Variants in ZFYVE9 observed in about 807,000 individuals in gnomAD.
ZFYVE9 encodes zinc finger FYVE domain-containing protein 9.
A neutral mutation model predicts 126.7 loss-of-function variants in ZFYVE9; 43 were observed. That is an observed-to-expected ratio of 0.34 (90% confidence interval 0.27 to 0.44). The LOEUF (loss-of-function observed/expected upper bound fraction) is 0.44, where lower values mean the gene tolerates loss of function less well. Ranked by LOEUF, ZFYVE9 falls within the 20% of genes least tolerant of loss-of-function variation. The probability of loss-of-function intolerance (pLI) is 1.00; values close to 1 mark genes in which losing one functional copy is unlikely to be tolerated. For missense variants in ZFYVE9, 1,476 were observed against 1,697.0 expected (o/e 0.87, Z 2.29); for synonymous variants, 521 against 597.4 (o/e 0.87, Z 1.87).
chr1:52,156,204 A>G (rs1204057816), intron 1 of ZFYVE9, among the ~76,000 whole-genome samples: 2 of 152,220 alleles, frequency 1.3e-5, no homozygotes. Flanking sequence ...ATAGAAAGGA[A>G]CTTATTTGCC....
At position 52,268,456 on chromosome 1, in the gene ZFYVE9, C is replaced by T. The variant is rs746056998; in HGVS notation, c.2456-7C>T. ...TGATGCCTGTTTTATTTTTCTGGCCCCTCAAGTGGCTCAGCCCAGAGAGCA... is the reference window on the plus strand; with the variant it reads ...TGATGCCTGTTTTATTTTTCTGGCCTCTCAAGTGGCTCAGCCCAGAGAGCA... On this transcript the variant is annotated splice_region_variant and splice_polypyrimidine_tract_variant and intron_variant, in intron 6 of 18. Coordinates refer to ENST00000287727, the MANE Select transcript of ZFYVE9 (RefSeq NM_004799.4). 6.2e-7 allele frequency: 1 copy of T among 1,607,696 alleles called. No individual in the cohort carries two copies. The highest frequency in any genetic ancestry group is 8.5e-7 in the Non-Finnish European group (1 of 1,175,420).
intron 1 of ZFYVE9, among the ~76,000 whole-genome samples, chr1:52,196,530 G>A (rs763694177): frequency 1.3e-5 from 2 of 151,994 alleles, no homozygotes; most frequent in Admixed American, 1.3e-4. Flanking sequence ...CCAGCTACTC[G>A]GGAGGCTGAG....
intron 13 of ZFYVE9, among the ~76,000 whole-genome samples, chr1:52,329,925 C>CT (rs1286771245): frequency 6.6e-6 from 1 of 151,804 alleles, no homozygotes; most frequent in African/African-American, 2.4e-5. Context: ...AAAAAAAATT[C>CT]TTCCGTGTCA....
chr1:52,299,554 A>AT (rs1646012832), intron 12 of ZFYVE9, among the ~76,000 whole-genome samples: 1 of 152,012 alleles, frequency 6.6e-6, no homozygotes, highest in African/African-American at 2.4e-5. Context: ...TATGGCCTTT[A>AT]TTGTGCTGGG....
At chr1:52,305,162 C>G (rs1490474916) in intron 13 of ZFYVE9, among the ~76,000 whole-genome samples, 1 of 152,152 alleles carries the variant, frequency 6.6e-6, no homozygotes, top group African/African-American at 2.4e-5. Flanking sequence ...GCCTGCTGGC[C>G]AAGCGCGATG....
chr1:52,242,031 CTTTTTT>C (rs975430437), intron 4 of ZFYVE9, among the ~76,000 whole-genome samples: 1 of 106,440 alleles, frequency 9.4e-6, no homozygotes, highest in Non-Finnish European at 1.8e-5. Context: ...TCATGGCAAT[CTTTTTT>C]TTTTTTTTTT....
intron 13 of ZFYVE9, among the ~76,000 whole-genome samples, chr1:52,326,737 C>G (rs1646295643): frequency 6.7e-6 from 1 of 150,314 alleles, no homozygotes; most frequent in Non-Finnish European, 1.5e-5. Flanking sequence ...GTGGCACATG[C>G]CTGTGCCTGT....
intron 1 of ZFYVE9, among the ~76,000 whole-genome samples, chr1:52,163,738 G>C (rs1644483981): frequency 6.6e-6 from 1 of 151,882 alleles, no homozygotes; most frequent in African/African-American, 2.4e-5. Context: ...TGTAATCCCA[G>C]GACTTCGGGA....
Position 52,290,547 on chromosome 1 carries a change from A to G in ZFYVE9, c.3026-2906A>G, listed in dbSNP as rs544108703. On this transcript the variant is annotated intron_variant, in intron 10 of 18. Transcript: ENST00000287727. ...AAAAAAAATTTTTTTCTCTTTGACA[A>G]ATTATCTGTTGAATTTTGTATGAAG... Among the ~76,000 whole-genome samples the G allele has an allele frequency of 2.6e-5, 4 of 152,260 alleles. No homozygotes were observed. The South Asian group carries it at 6.2e-4, about 24-fold the overall frequency.
intron 1 of ZFYVE9, among the ~76,000 whole-genome samples, chr1:52,187,302 G>T (rs1228588612): frequency 2.6e-5 from 4 of 152,126 alleles, no homozygotes; most frequent in African/African-American, 9.7e-5. Context: ...TTTATACCAT[G>T]CACAAAAATC....
intron 4 of ZFYVE9, among the ~76,000 whole-genome samples, chr1:52,249,771 T>G (rs1348289879): frequency 6.6e-6 from 1 of 152,202 alleles, no homozygotes; most frequent in East Asian, 1.9e-4. Context: ...CGTTTAGGTC[T>G]TTTATCCATT....
At chr1:52,144,567 C>G (rs1012508672) in intron 1 of ZFYVE9, among the ~76,000 whole-genome samples, 2 of 151,312 alleles carry the variant, frequency 1.3e-5, no homozygotes, top group African/African-American at 4.9e-5. Context: ...CTTGCTGAGC[C>G]GAAGGAAGGT....
chr1:52,267,561 A>G (rs1460430332), intron 6 of ZFYVE9, among the ~76,000 whole-genome samples: 1 of 152,114 alleles, frequency 6.6e-6, no homozygotes, highest in Non-Finnish European at 1.5e-5. Context: ...CTTTTCATCT[A>G]TTAATATTCC....
intron 7 of ZFYVE9, among the ~76,000 whole-genome samples, chr1:52,273,261 A>ATC (rs1645712737): frequency 7.1e-6 from 1 of 140,172 alleles, no homozygotes; most frequent in Admixed American, 7.0e-5. Flanking sequence ...CCCACCTCAG[A>ATC]CTCCCAAAGT....
At chr1:52,221,126 A>C (rs1358230458) in intron 2 of ZFYVE9, among the ~76,000 whole-genome samples, 4 of 152,324 alleles carry the variant, frequency 2.6e-5, no homozygotes, top group African/African-American at 9.6e-5. Context: ...TTGATTCTGC[A>C]GGGATTTTAA....
At chr1:52,176,272 G>T (rs1316933847) in intron 1 of ZFYVE9, among the ~76,000 whole-genome samples, 4 of 152,216 alleles carry the variant, frequency 2.6e-5, no homozygotes, top group African/African-American at 7.2e-5. Flanking sequence ...TCCAGACCCT[G>T]TTTGCCTGGG....
intron 13 of ZFYVE9, among the ~76,000 whole-genome samples, chr1:52,322,792 T>C (rs1261931142): frequency 6.6e-6 from 1 of 151,950 alleles, no homozygotes; most frequent in Admixed American, 6.6e-5. Flanking sequence ...TCTCGACTCA[T>C]TATCTCTGTG....
intron 4 of ZFYVE9, among the ~76,000 whole-genome samples, chr1:52,259,053 A>G (rs903146133): frequency 2.6e-5 from 4 of 152,198 alleles, no homozygotes; most frequent in African/African-American, 7.2e-5. Flanking sequence ...GAAATTTATT[A>G]TCTCACAGTT....
At chr1:52,314,536 C>T (rs559746032) in intron 13 of ZFYVE9, among the ~76,000 whole-genome samples, 6 of 152,042 alleles carry the variant, frequency 3.9e-5, no homozygotes, top group African/African-American at 9.7e-5. Context: ...TACAAAAGTA[C>T]GCCAGGTGCT....
Sources: allele counts gnomAD v4.1 joint callset (sites outside exome capture counted in the v4.1 genomes callset), GRCh38; gene constraint gnomAD v4.1.1; transcripts MANE v1.5; gene names NCBI Gene and HGNC (gene_info 2026-07-23, HGNC 2026-07-21).